TLE1: variants seen among roughly 807,000 people sequenced by gnomAD.
The protein encoded by TLE1 is transducin-like enhancer protein 1.
Under a neutral mutation model 89.8 loss-of-function variants are expected in TLE1, and 21 were observed. That is an observed-to-expected ratio of 0.23 (90% CI 0.17 to 0.34). The LOEUF (loss-of-function observed/expected upper bound fraction) is 0.34, where lower values mean the gene tolerates loss of function less well. TLE1 is among the 10% of genes least tolerant of loss of function. The pLI is 1.00. For synonymous variants in TLE1, 447 were observed against 407.6 expected, an observed-to-expected ratio of 1.10 and a Z score of -1.16; for missense variants, 795 against 1,031.2, an observed-to-expected ratio of 0.77 and a Z score of 3.14.
chr9:81,614,828 A>G (rs531013728), intron 11 of TLE1, among the ~76,000 whole-genome samples: 22 of 151,940 alleles, frequency 1.4e-4, no homozygotes, highest in African/African-American at 5.1e-4. Flanking sequence ...GGCATGCTCT[A>G]TGACATGCCC....
chr9:81,605,913 T>C (rs1373188851), intron 14 of TLE1, among the ~76,000 whole-genome samples: 1 of 151,280 alleles, frequency 6.6e-6, no homozygotes, highest in East Asian at 1.9e-4. Context: ...ACAAAGAACT[T>C]AAACAAATTT....
At chr9:81,604,572 T>C (rs1485050619) in intron 14 of TLE1, among the ~76,000 whole-genome samples, 2 of 152,142 alleles carry the variant, frequency 1.3e-5, no homozygotes, top group African/African-American at 4.8e-5. Context: ...TTTCACACAG[T>C]CATGGAAAAT....
At chr9:81,652,099 G>GT (rs1829618197) in intron 6 of TLE1, 115 bp downstream of exon 6, 3 of 766,850 alleles carry the variant, frequency 3.9e-6, no homozygotes, top group Admixed American at 2.9e-5. Context: ...ATAGGTCAAC[G>GT]TTAAGATACA....
At chr9:81,587,609 G>C in intron 17 of TLE1, 72 bp downstream of exon 17, 1 of 1,496,554 alleles carries the variant, frequency 6.7e-7, no homozygotes, top group South Asian at 1.3e-5. Context: ...GTAAAGGAGG[G>C]AGGGTTGTGA....
intron 13 of TLE1, 113 bp from the exon 14 acceptor site, chr9:81,610,409 A>G: frequency 2.6e-6 from 2 of 767,616 alleles, no homozygotes; most frequent in African/African-American, 1.7e-5. Flanking sequence ...AAATGGGAAC[A>G]GTAACATGGC....
intron 16 of TLE1, 122 bp downstream of exon 16, chr9:81,590,683 C>G: frequency 6.7e-7 from 1 of 1,496,962 alleles, no homozygotes; most frequent in East Asian, 2.3e-5. Flanking sequence ...CATCACCTAG[C>G]CCCATGCCTG....
chr9:81,624,644 T>G (rs975914794), intron 8 of TLE1, among the ~76,000 whole-genome samples: 1 of 152,214 alleles, frequency 6.6e-6, no homozygotes, highest in African/African-American at 2.4e-5. Context: ...CAAAGTTTTA[T>G]TTCACCTTGC....
In TLE1 at chr9:81,652,730, C is replaced by T. The variant is rs531072530; in HGVS notation, c.298-442G>A. The stretch of plus-strand genomic sequence containing the variant: ...TTGGGAGGCCAAGACAGGGTGAGCC[C>T]AGGAGTTCAAGACCAGCATGGGCAA... On this transcript the variant is annotated intron_variant, in intron 5 of 19. Coordinates refer to ENST00000376499, the MANE Select transcript of TLE1 (RefSeq NM_005077.5). Among the ~76,000 whole-genome samples, 73 of 152,172 alleles carry T rather than the reference C, an allele frequency of 4.8e-4. 1 individual carries two copies. The highest frequency in any genetic ancestry group is 1.7e-3 in the African/African-American group (69 of 41,520).
chr9:81,610,086 C>G, intron 14 of TLE1, 134 bp downstream of exon 14: 1 of 729,656 alleles, frequency 1.4e-6, no homozygotes, highest in Non-Finnish European at 2.3e-6. Flanking sequence ...AAAGTGTTAA[C>G]ACTCCTCAGG....
chr9:81,587,924 G>GTGTCATCCCACC (rs71699706), intron 16 of TLE1, 96 bp from the exon 17 acceptor site: 2 of 1,019,690 alleles, frequency 2.0e-6, no homozygotes, highest in Admixed American at 2.8e-5. Flanking sequence ...GTGTGTGTGT[G>GTGTCATCCCACC]TGTGTGTGTG....
chr9:81,608,560 A>G (rs145792700), intron 14 of TLE1, among the ~76,000 whole-genome samples: 110 of 152,316 alleles, frequency 7.2e-4, no homozygotes, highest in Non-Finnish European at 1.4e-3. Context: ...ACGTACTGAT[A>G]AAAGCTGAAA....
At chr9:81,590,317 A>G (rs1019361044) in intron 16 of TLE1, among the ~76,000 whole-genome samples, 5 of 152,190 alleles carry the variant, frequency 3.3e-5, no homozygotes, top group Non-Finnish European at 7.4e-5. Context: ...ACCCCTGGGC[A>G]GGTCTATTTC....
intron 8 of TLE1, among the ~76,000 whole-genome samples, chr9:81,630,616 G>A (rs1406306201): frequency 6.6e-6 from 1 of 152,094 alleles, no homozygotes; most frequent in Non-Finnish European, 1.5e-5. Flanking sequence ...AAGATCATGA[G>A]GCCATAAGGC....
chr9:81,663,286 T>G (rs1831047050), intron 4 of TLE1, among the ~76,000 whole-genome samples: 1 of 152,122 alleles, frequency 6.6e-6, no homozygotes, highest in Admixed American at 6.5e-5. Context: ...CCTCTTACGA[T>G]CCTCAAATCA....
intron 16 of TLE1, among the ~76,000 whole-genome samples, chr9:81,588,354 G>A (rs1319360639): frequency 1.3e-5 from 2 of 152,158 alleles, no homozygotes; most frequent in Non-Finnish European, 2.9e-5. Context: ...CGTGCCAACA[G>A]AGCATGAGCT....
chr9:81,678,407 A>G (rs1454312914), intron 4 of TLE1, among the ~76,000 whole-genome samples: 1 of 152,154 alleles, frequency 6.6e-6, no homozygotes, highest in South Asian at 2.1e-4. Flanking sequence ...TATTGTAGAG[A>G]TAGGGTCTCG....
In TLE1 at chr9:81,634,246, A is replaced by T; in HGVS notation, c.428T>A (p.Leu143His). 1 of 1,581,968 alleles carries T rather than the reference A, an allele frequency of 6.3e-7. No individual in the cohort carries two copies. The highest frequency in any genetic ancestry group is 8.6e-7 in the Non-Finnish European group (1 of 1,161,398). ...CTGAAGTCCCGAAGGGTGAGGCGTA[A>T]GGGGAACTGGGGGTCCGTGGCCATG... ...LSHGHGPPVP[L>H]TPHPSGLQPP... Residue 143 changes from leucine to histidine, a missense_variant, in exon 7 of 20, where the codon CTT becomes CAT. Physicochemically the swap from Leu to His is moderately conservative, Grantham distance 99. This residue lies in a region of TLE1 where 468 missense variants were observed against 509.1 expected (regional missense o/e 0.92). Coordinates refer to ENST00000376499, the MANE Select transcript of TLE1 (RefSeq NM_005077.5).
chr9:81,664,252 CA>C (rs75917762), intron 4 of TLE1, among the ~76,000 whole-genome samples: 2,965 of 128,316 alleles, frequency 0.023, 97 homozygotes, highest in African/African-American at 0.076. Flanking sequence ...CTGCCTCTAC[CA>C]AAAAAAAAAA....
chr9:81,612,128 C>T (rs1823796648), intron 12 of TLE1, among the ~76,000 whole-genome samples, 169 bp from the exon 13 acceptor site: 1 of 152,142 alleles, frequency 6.6e-6, no homozygotes, highest in Non-Finnish European at 1.5e-5. Flanking sequence ...ATCCCTCCTT[C>T]CCCAGAGCGA....
Sources: gnomAD v4.1 joint callset for allele counts (sites outside exome capture counted in the v4.1 genomes callset) on GRCh38, gnomAD v4.1.1 for gene constraint, gnomAD v4.1.1 regional missense constraint, MANE v1.5 for transcripts, NCBI Gene and HGNC (gene_info 2026-07-23, HGNC 2026-07-21) for gene names.